Variants in FAM200A observed in about 807,000 individuals in gnomAD.
The protein encoded by FAM200A is ZBED8 like, also known as protein FAM200A.
Under a neutral mutation model 44.2 loss-of-function variants are expected in FAM200A, and 26 were observed. The observed-to-expected ratio is 0.59, with a 90% CI of 0.43 to 0.82. The LOEUF is 0.82. FAM200A is among the 40% of genes least tolerant of loss of function. The probability of loss-of-function intolerance (pLI) is 0.00; values close to 1 mark genes in which losing one functional copy is unlikely to be tolerated. For missense variants in FAM200A, 606 were observed against 669.5 expected (o/e 0.91, Z 1.05); for synonymous variants, 206 against 244.4 (o/e 0.84, Z 1.47).
At chr7:99,553,050 C>CATATATATAT (rs1293096944), upstream of FAM200A, among the ~76,000 whole-genome samples, 4 of 115,716 alleles carry the variant, frequency 3.5e-5, no homozygotes, top group African/African-American at 1.1e-4. Context: ...TATACACACA[C>CATATATATAT]ATATATATAT....
At chr7:99,557,490 G>A (rs1239090226) in intron 1 of FAM200A, among the ~76,000 whole-genome samples, 1 of 152,208 alleles carries the variant, frequency 6.6e-6, no homozygotes. Context: ...AGGAACAATA[G>A]ATAGACATCA....
chr7:99,553,095 ATATATTTTT>A (rs1238416207), upstream of FAM200A, among the ~76,000 whole-genome samples: 2,093 of 88,488 alleles, frequency 0.024, 56 homozygotes, highest in African/African-American at 0.13. Flanking sequence ...ATATATATAT[ATATATTTTT>A]TTTTTTTTTT....
chr7:99,547,292 A>C lies in FAM200A; in HGVS notation c.1116T>G (p.Leu372=). 1 of 1,551,138 alleles carries C rather than the reference A, an allele frequency of 6.4e-7. No homozygotes were observed. The highest frequency in any genetic ancestry group is 8.7e-7 in the Non-Finnish European group (1 of 1,146,840). The change falls in exon 2 of 2, where the codon CTT becomes CTG. Residue 372 remains leucine (L), a synonymous_variant. Transcript: ENST00000449309. ...QGKNNDIFQY[L]EHILGFQKTL... ...TCTTTTGGAATCCTAGAATATGTTC[A>C]AGATACTGAAATATATCATTGTTTT...
chr7:99,552,517 C>A (rs900982594), upstream of FAM200A, among the ~76,000 whole-genome samples: 1 of 152,096 alleles, frequency 6.6e-6, no homozygotes, highest in Admixed American at 6.5e-5. Context: ...GCAGTATTTT[C>A]AAATACTTGA....
chr7:99,555,647 G>A (rs1341699232), upstream of FAM200A, among the ~76,000 whole-genome samples: 1 of 152,196 alleles, frequency 6.6e-6, no homozygotes, highest in Admixed American at 6.5e-5. Context: ...GGTGGCTCAC[G>A]TCTGTAATCC....
chr7:99,546,687 T>C lies in FAM200A; in HGVS notation c.1721A>G (p.Ter574=). Reference sequence around the variant, plus strand: ...CACAGAATTTTGTAAAGTTTGTATTTAATGTGATGGGTGTGCTTGTCTGTT... The same window carrying C: ...CACAGAATTTTGTAAAGTTTGTATTCAATGTGATGGGTGTGCTTGTCTGTT... ...LMNRQAHPSH[*] is the part of the protein sequence containing the mutation. Residue 574 remains the stop codon, a stop_retained_variant, in exon 2 of 2, where the codon TAA becomes TGA. Coordinates refer to ENST00000449309, the MANE Select transcript of FAM200A (RefSeq NM_145111.4). 1 of 1,508,480 alleles carries C rather than the reference T, an allele frequency of 6.6e-7. No individual in the cohort carries two copies. Among genetic ancestry groups the C allele is most frequent in the Non-Finnish European group, 8.8e-7 (1 of 1,130,130 alleles). 93.4% of individuals were successfully genotyped at this position (1,508,480 alleles called of 1,614,324 possible).
Position 99,547,526 on chromosome 7 carries a change from G to C in FAM200A, c.882C>G (p.His294Gln). ...FCSEIGVNHT[H>Q]LLFHTEVRWL... ...AACGAACTTCTGTATGAAACAATAA[G>C]TGGGTGTGGTTCACTCCAATCTCTG... Residue 294 changes from histidine to glutamine, a missense_variant, in exon 2 of 2, where the codon CAC (histidine) becomes CAG (glutamine). Physicochemically the swap from His to Gln is conservative, Grantham distance 24 (BLOSUM62 0). Coordinates refer to ENST00000449309, the MANE Select transcript of FAM200A (RefSeq NM_145111.4). 6.4e-7 allele frequency: 1 copy of C among 1,550,764 alleles called. No individual in the cohort carries two copies. The highest frequency in any genetic ancestry group is 2.4e-5 in the East Asian group (1 of 40,896).
rs770035173 is a variant in FAM200A at position 99,547,459 on chromosome 7, T to C, written c.949A>G (p.Arg317Gly). Residue 317 changes from arginine to glycine, a missense_variant, in exon 2 of 2, where the codon AGG (arginine) becomes GGG (glycine). Coordinates refer to ENST00000449309, the MANE Select transcript of FAM200A (RefSeq NM_145111.4). The part of the protein sequence containing the change: ...GKVLSRVYEL[R>G]NEIYIFLVEK... ...ACGAGAAAAATGTAAATCTCGTTCCTGAGTTCATATACTCTGCTCAATACT... is the reference window on the plus strand; with the variant it reads ...ACGAGAAAAATGTAAATCTCGTTCCCGAGTTCATATACTCTGCTCAATACT... 1 of 1,551,462 alleles carries C rather than the reference T, an allele frequency of 6.4e-7. No individual in the cohort carries two copies. The highest frequency in any genetic ancestry group is 1.2e-5 in the South Asian group (1 of 83,964).
chr7:99,554,026 A>C (rs1360845762), upstream of FAM200A, among the ~76,000 whole-genome samples: 1 of 152,214 alleles, frequency 6.6e-6, no homozygotes. Flanking sequence ...TAGAGCATAT[A>C]TCAATTCTGG....
chr7:99,548,129 T>C lies in FAM200A; in HGVS notation c.279A>G (p.Val93=), dbSNP rs1802432312. Reference sequence around the variant, plus strand: ...CTGATTTGTCATCAAAAATTGTCCGTACCATGTCCATACATGCTGGAAGGA... The same window carrying C: ...CTGATTTGTCATCAAAAATTGTCCGCACCATGTCCATACATGCTGGAAGGA... The part of the protein sequence containing the change: ...KIILPACMDM[V]RTIFDDKSAD... The change falls in exon 2 of 2, where the codon GTA becomes GTG. Residue 93 remains valine (V), a synonymous_variant. Transcript: ENST00000449309. 5 of 1,551,704 alleles carry C rather than the reference T, an allele frequency of 3.2e-6. No individual in the cohort carries two copies. The highest frequency in any genetic ancestry group is 4.4e-6 in the Non-Finnish European group (5 of 1,147,024).
chr7:99,555,154 A>T (rs192805149), upstream of FAM200A, among the ~76,000 whole-genome samples: 9 of 152,350 alleles, frequency 5.9e-5, no homozygotes, highest in African/African-American at 2.2e-4. Context: ...AGATGAGGTC[A>T]TAGTGGATTA....
chr7:99,548,822 G>A (rs1029790665), intron 1 of FAM200A, among the ~76,000 whole-genome samples: 10 of 149,422 alleles, frequency 6.7e-5, no homozygotes, highest in Non-Finnish European at 1.2e-4. Context: ...AGTCTGAAGC[G>A]AGTGTCCTAA....
At chr7:99,553,101 T>A (rs71539202), upstream of FAM200A, among the ~76,000 whole-genome samples, 3,697 of 46,464 alleles carry the variant, frequency 0.08, 33 homozygotes, top group Non-Finnish European at 0.095. Context: ...ATATATATAT[T>A]TTTTTTTTTT....
chr7:99,553,097 A>T (rs888050447), upstream of FAM200A, among the ~76,000 whole-genome samples: 3,293 of 77,688 alleles, frequency 0.042, 73 homozygotes, highest in East Asian at 0.07. Flanking sequence ...ATATATATAT[A>T]TATTTTTTTT....
upstream of FAM200A, among the ~76,000 whole-genome samples, chr7:99,553,734 G>A (rs1001229982): frequency 3.9e-5 from 6 of 152,144 alleles, no homozygotes; most frequent in East Asian, 1.9e-4. Flanking sequence ...GCATTTCAGC[G>A]CATATACCAT....
chr7:99,552,984 TAC>T (rs1180891339), upstream of FAM200A, among the ~76,000 whole-genome samples: 4 of 141,676 alleles, frequency 2.8e-5, no homozygotes, highest in African/African-American at 1.1e-4. Flanking sequence ...TATATATATA[TAC>T]ACACATATAT....
chr7:99,555,591 T>C (rs1802661266), upstream of FAM200A, among the ~76,000 whole-genome samples: 1 of 152,202 alleles, frequency 6.6e-6, no homozygotes, highest in Non-Finnish European at 1.5e-5. Context: ...GGATTTACTA[T>C]AGAGTGCTCT....
In FAM200A at chr7:99,546,861, A is replaced by T; in HGVS notation, c.1547T>A (p.Leu516Gln). Residue 516 changes from leucine (L) to glutamine (Q), a missense_variant, in exon 2 of 2, where the codon CTG becomes CAG. Transcript: ENST00000449309. ...ATATGTAGTTGTGAATGGTAGTAAC[A>T]GCAATATACTCTTCCTACTTAGCAG... ...FPLLSRKSIL[L>Q]LLPFTTTYLC... 6.4e-7 allele frequency: 1 copy of T among 1,551,102 alleles called. No homozygotes were observed. Among genetic ancestry groups the T allele is most frequent in the Non-Finnish European group, 8.7e-7 (1 of 1,146,842 alleles).
Position 99,547,434 on chromosome 7 carries a change from A to C in FAM200A, c.974T>G (p.Val325Gly). 6.4e-7 allele frequency: 1 copy of C among 1,551,436 alleles called. No individual in the cohort carries two copies. Among genetic ancestry groups the C allele is most frequent in the Non-Finnish European group, 8.7e-7 (1 of 1,146,918 alleles). The change falls in exon 2 of 2, where the codon GTT (valine) becomes GGT (glycine). Residue 325 changes from valine (V) to glycine (G), a missense_variant. Val to Gly is a moderately radical substitution (Grantham distance 109). Coordinates refer to ENST00000449309, the MANE Select transcript of FAM200A (RefSeq NM_145111.4). Reference protein sequence around the residue: ...ELRNEIYIFLVEKQSHLANIF... With the variant: ...ELRNEIYIFLGEKQSHLANIF... ...ATTTGCCAAATGAGATTGCTTTTCA[A>C]CGAGAAAAATGTAAATCTCGTTCCT...
Sources: allele counts gnomAD v4.1 joint callset (sites outside exome capture counted in the v4.1 genomes callset), GRCh38; gene constraint gnomAD v4.1.1; transcripts MANE v1.5; gene names NCBI Gene and HGNC (gene_info 2026-07-23, HGNC 2026-07-21).